The following RFX3 variants were observed in gnomAD, a reference collection of about 807,000 sequenced individuals.
RFX3 encodes the protein transcription factor RFX3.
In RFX3, 14 loss-of-function variants were observed where a neutral mutation model predicts 98.6. The observed-to-expected ratio is 0.14, with a 90% CI of 0.09 to 0.22. The LOEUF (loss-of-function observed/expected upper bound fraction) is 0.22, where lower values mean the gene tolerates loss of function less well. Among genes scored for constraint, RFX3 ranks in the 10% least tolerant of loss-of-function variants. RFX3 has a pLI of 1.00. For synonymous variants in RFX3, 383 were observed against 328.4 expected (o/e 1.17, Z -1.80); for missense variants, 639 against 926.9 (o/e 0.69, Z 4.03).
intron 1 of RFX3, among the ~76,000 whole-genome samples, chr9:3,418,824 C>T (rs1204279662): frequency 2.6e-5 from 4 of 152,086 alleles, no homozygotes; most frequent in Non-Finnish European, 5.9e-5. Context: ...TATTTGAATG[C>T]CAATGTTAAA....
At chr9:3,431,654 T>C (rs1844667415) in intron 1 of RFX3, among the ~76,000 whole-genome samples, 1 of 152,128 alleles carries the variant, frequency 6.6e-6, no homozygotes, top group Non-Finnish European at 1.5e-5. Context: ...TATATGACAA[T>C]TTAAAGCAAA....
chr9:3,291,282 G>T (rs1348779435), intron 6 of RFX3, among the ~76,000 whole-genome samples: 1 of 152,150 alleles, frequency 6.6e-6, no homozygotes, highest in Non-Finnish European at 1.5e-5. Context: ...GAGGCAGGAA[G>T]AATCACTTGA....
At chr9:3,354,454 T>C (rs988106316) in intron 2 of RFX3, among the ~76,000 whole-genome samples, 3 of 151,032 alleles carry the variant, frequency 2.0e-5, no homozygotes, top group Non-Finnish European at 4.4e-5. Context: ...GACCCAGTAA[T>C]AAAGAGAAAA....
intron 1 of RFX3, among the ~76,000 whole-genome samples, chr9:3,441,304 G>T (rs532524038): frequency 6.6e-6 from 1 of 151,872 alleles, no homozygotes; most frequent in African/African-American, 2.4e-5. Flanking sequence ...GACAGCTACA[G>T]AATTGAGAGA....
At chr9:3,434,942 G>C (rs1315421504) in intron 1 of RFX3, among the ~76,000 whole-genome samples, 3 of 151,952 alleles carry the variant, frequency 2.0e-5, no homozygotes, top group East Asian at 1.9e-4. Flanking sequence ...AACCTGTTCA[G>C]TATGTTACTG....
chr9:3,420,422 CT>C lies in RFX3; in HGVS notation c.-8-24827del, dbSNP rs1334325499. On this transcript the variant is annotated intron_variant, in intron 1 of 16. Transcript: ENST00000617270. ...ATCACCATCAAATACTTAGCTACAG[CT>C]TTACTATTTACAAAATATTTTTACA... Among the ~76,000 whole-genome samples, 3 of 152,286 alleles carry C rather than the reference CT, an allele frequency of 2.0e-5. No individual in the cohort carries two copies. In the East Asian group the frequency reaches 5.8e-4, roughly 29 times the overall value.
chr9:3,522,522 A>C (rs1818818054), intron 1 of RFX3, among the ~76,000 whole-genome samples: 1 of 151,810 alleles, frequency 6.6e-6, no homozygotes, highest in South Asian at 2.1e-4. Flanking sequence ...GAACAAAGTA[A>C]TATTCCTATT....
intron 1 of RFX3, among the ~76,000 whole-genome samples, chr9:3,409,554 C>T (rs896987191): frequency 6.6e-6 from 1 of 152,130 alleles, no homozygotes; most frequent in Non-Finnish European, 1.5e-5. Flanking sequence ...TTGTGATAAA[C>T]TTTGTATGTA....
chr9:3,346,525 C>T (rs1834455994), intron 3 of RFX3, 142 bp downstream of exon 3: 1 of 593,330 alleles, frequency 1.7e-6, no homozygotes. Context: ...AAGCTCTAAA[C>T]ATCAGCTTAA....
chr9:3,516,338 G>A (rs911810134), intron 1 of RFX3, among the ~76,000 whole-genome samples: 6 of 152,070 alleles, frequency 3.9e-5, no homozygotes, highest in African/African-American at 9.7e-5. Context: ...ATGAGCCACC[G>A]CACCCAGCCT....
chr9:3,247,802 C>T, intron 15 of RFX3: 1 of 1,606,014 alleles, frequency 6.2e-7, no homozygotes, highest in African/African-American at 1.3e-5. Flanking sequence ...TATAGAGACA[C>T]ATTCCATGAA....
intron 1 of RFX3, among the ~76,000 whole-genome samples, chr9:3,490,087 T>G (rs1438866228): frequency 1.3e-5 from 2 of 152,122 alleles, no homozygotes; most frequent in African/African-American, 4.8e-5. Context: ...ACATATATAG[T>G]AGTGATAGAA....
rs1039044004 is a variant in RFX3 at position 3,218,920 on chromosome 9, G to A, written c.*6122C>T. ...ATGATGGCACTTAAAAAAAAATACA[G>A]TATCTTAAAAAAACACAATGAAAGA... On this transcript the variant is annotated 3_prime_UTR_variant, in exon 17 of 17. Coordinates refer to ENST00000617270, the MANE Select transcript of RFX3 (RefSeq NM_001282116.2). The A allele has an allele frequency of 6.6e-6, 1 of 151,946 alleles. No individual in the cohort carries two copies. The highest frequency in any genetic ancestry group is 1.5e-5 in the Non-Finnish European group (1 of 67,984). The allele number at this position is 151,946 out of a possible 1,614,324, so 9.4% of individuals were successfully genotyped here.
chr9:3,373,504 C>G (rs1404151999), intron 2 of RFX3, among the ~76,000 whole-genome samples: 2 of 152,122 alleles, frequency 1.3e-5, no homozygotes, highest in Non-Finnish European at 2.9e-5. Flanking sequence ...TCCTAATTGC[C>G]TGTGTGGCTG....
chr9:3,454,674 C>G (rs1220112875), intron 1 of RFX3, among the ~76,000 whole-genome samples: 3 of 152,052 alleles, frequency 2.0e-5, no homozygotes, highest in Non-Finnish European at 4.4e-5. Flanking sequence ...GACTAGGAAC[C>G]ACTGAAAAAA....
Position 3,247,708 on chromosome 9 carries a change from G to A in RFX3, c.1968+324C>T. 5 of 1,510,036 alleles carry A rather than the reference G, an allele frequency of 3.3e-6. 1 individual carries two copies. The highest frequency in any genetic ancestry group is 2.5e-5 in the East Asian group (1 of 40,528). The allele number at this position is 1,510,036 out of a possible 1,614,324, so 93.5% of individuals were successfully genotyped here. A position where few individuals can be genotyped will look rare whatever the true frequency, so the allele number is the denominator to read the frequency against. On this transcript the variant is annotated intron_variant, in intron 15 of 16. Transcript: ENST00000617270. ...GTATTCCCAGCCCTTTGCTTTATCAGGAGCACCAATCTTTTTCCCACTTAA... is the reference window on the plus strand; with the variant it reads ...GTATTCCCAGCCCTTTGCTTTATCAAGAGCACCAATCTTTTTCCCACTTAA...
At chr9:3,429,179 C>G (rs1032435268) in intron 1 of RFX3, among the ~76,000 whole-genome samples, 2 of 151,032 alleles carry the variant, frequency 1.3e-5, no homozygotes, top group East Asian at 1.9e-4. Flanking sequence ...CCCGCCAACA[C>G]GTCCGGCTAA....
intron 4 of RFX3, chr9:3,324,144 G>T (rs571452289): frequency 2.9e-5 from 10 of 341,248 alleles, no homozygotes; most frequent in South Asian, 2.0e-4. Flanking sequence ...GATCATAATG[G>T]TGATACATGT....
At chr9:3,247,917 T>C (rs1468491300) in intron 15 of RFX3, 115 bp downstream of exon 15, 1 of 1,612,166 alleles carries the variant, frequency 6.2e-7, no homozygotes, top group Non-Finnish European at 8.5e-7. Context: ...CTCCTGGCTC[T>C]GAGGCTGACT....
Sources: allele counts gnomAD v4.1 joint callset (sites outside exome capture counted in the v4.1 genomes callset), GRCh38; gene constraint gnomAD v4.1.1; transcripts MANE v1.5; gene names NCBI Gene and HGNC (gene_info 2026-07-23, HGNC 2026-07-21).